MAN1A1: variants seen among roughly 807,000 people sequenced by gnomAD.
MAN1A1 encodes mannosidase alpha class 1A member 1.
A neutral mutation model predicts 70.8 loss-of-function variants in MAN1A1; 29 were observed. That is an observed-to-expected ratio of 0.41 (90% CI 0.31 to 0.56). The LOEUF (loss-of-function observed/expected upper bound fraction) is 0.56. Ranked by LOEUF, MAN1A1 falls within the 20% of genes least tolerant of loss-of-function variation. The pLI, the probability that MAN1A1 is intolerant of heterozygous loss-of-function variation, is 0.29. For synonymous variants in MAN1A1, 349 were observed against 330.1 expected (o/e 1.06, Z -0.62); for missense variants, 747 against 841.3 (o/e 0.89, Z 1.39).
intron 6 of MAN1A1, among the ~76,000 whole-genome samples, chr6:119,241,948 A>ATGTG (rs879398838): frequency 2.3e-4 from 6 of 26,326 alleles, no homozygotes; most frequent in East Asian, 2.7e-3. Flanking sequence ...GTGTGTATGT[A>ATGTG]TGTGTGTGTG....
intron 11 of MAN1A1, among the ~76,000 whole-genome samples, chr6:119,185,466 A>C (rs998347702): frequency 1.4e-4 from 22 of 152,246 alleles, no homozygotes; most frequent in African/African-American, 5.3e-4. Context: ...GACGGCTTAC[A>C]AATACTTTAC....
chr6:119,190,162 T>C (rs1291540349), intron 9 of MAN1A1, among the ~76,000 whole-genome samples: 1 of 152,192 alleles, frequency 6.6e-6, no homozygotes, highest in Non-Finnish European at 1.5e-5. Flanking sequence ...TTCAAAAAAC[T>C]TTCTCCTTCC....
Position 119,348,757 on chromosome 6 carries a change from C to T in MAN1A1, c.309G>A (p.Arg103=). ...CCCCGGGTGCCCCCTCCTCGCGGCG[C>T]CGGGCTCGCCCCTCGGCCGCGTCCT... ...RAEDAAEGRA[R]RREEGAPGDP... is the part of the protein sequence containing the mutation. The change falls in exon 2 of 13, where the codon CGG becomes CGA. Residue 103 remains arginine, a synonymous_variant. Transcript: ENST00000368468. 1 of 1,545,216 alleles carries T rather than the reference C, an allele frequency of 6.5e-7. No homozygotes were observed. Among genetic ancestry groups the T allele is most frequent in the Middle Eastern group, 2.0e-4 (1 of 4,934 alleles).
intron 6 of MAN1A1, among the ~76,000 whole-genome samples, chr6:119,232,701 GTGTGTGTGTGTGTGTGTA>G (rs1774721202): frequency 6.7e-6 from 1 of 150,204 alleles, no homozygotes; most frequent in South Asian, 2.1e-4. Flanking sequence ...GTGTGTGTGT[GTGTGTGTGTGTGTGTGTA>G]TATTTGGAAA....
chr6:119,187,317 C>A (rs534404026), intron 11 of MAN1A1, among the ~76,000 whole-genome samples: 48 of 152,116 alleles, frequency 3.2e-4, no homozygotes, highest in Non-Finnish European at 6.5e-4. Context: ...AAGACCAAAA[C>A]AATTCCCTAT....
At position 119,349,202 on chromosome 6, in the gene MAN1A1, TG is replaced by T; in HGVS notation, c.-138del. ...CCTCGGCTGGGCTGCGGATCCTCCC[TG>T]GGGGAACAACTCCGCGCCGGGTCTT... On this transcript the variant is annotated 5_prime_UTR_variant, in exon 2 of 13. Transcript: ENST00000368468. 1 of 1,219,384 alleles carries T rather than the reference TG, an allele frequency of 8.2e-7. No homozygotes were observed. Among genetic ancestry groups the T allele is most frequent in the African/African-American group, 1.6e-5 (1 of 63,732 alleles). The allele number at this position is 1,219,384 out of a possible 1,614,324, so 75.5% of individuals were successfully genotyped here.
intron 4 of MAN1A1, among the ~76,000 whole-genome samples, chr6:119,297,804 G>T (rs28635368): frequency 9.7e-4 from 91 of 94,112 alleles, no homozygotes; most frequent in Non-Finnish European, 9.7e-4. Flanking sequence ...TTTTTGTTTT[G>T]TTTTGTTTTT....
At chr6:119,275,705 G>A (rs1225711000) in intron 5 of MAN1A1, among the ~76,000 whole-genome samples, 2 of 152,180 alleles carry the variant, frequency 1.3e-5, no homozygotes, top group Admixed American at 1.3e-4. Context: ...GCCTCCCAAA[G>A]TGCTGGGATT....
Position 119,324,434 on chromosome 6 carries a change from G to A in MAN1A1, c.604-17442C>T, listed in dbSNP as rs935368548. On this transcript the variant is annotated intron_variant, in intron 2 of 12. Coordinates refer to ENST00000368468, the MANE Select transcript of MAN1A1 (RefSeq NM_005907.4). The stretch of plus-strand genomic sequence containing the variant: ...TTTGGGGGGGAATCGAAAGTTATAC[G>A]CAGGTTTTCAACTGCATGAGGGGTT... 7.2e-5 allele frequency among the ~76,000 whole-genome samples: 11 copies of A among 152,230 alleles called. No homozygotes were observed. The South Asian group carries it at 1.9e-3, about 26-fold the overall frequency.
At chr6:119,207,093 G>GA (rs2114952780) in intron 6 of MAN1A1, among the ~76,000 whole-genome samples, 1 of 152,294 alleles carries the variant, frequency 6.6e-6, no homozygotes, top group South Asian at 2.1e-4. Context: ...TTAATGTGGT[G>GA]AATCGAGAAA....
intron 5 of MAN1A1, among the ~76,000 whole-genome samples, chr6:119,274,407 G>A (rs967957710): frequency 1.3e-5 from 2 of 152,072 alleles, no homozygotes; most frequent in Non-Finnish European, 2.9e-5. Flanking sequence ...AGTGCTTTTT[G>A]GAGTTCTCTA....
intron 7 of MAN1A1, 43 bp downstream of exon 7, chr6:119,204,716 A>G (rs776540220): frequency 5.7e-5 from 91 of 1,609,658 alleles, no homozygotes; most frequent in Admixed American, 3.5e-4. Context: ...ACTGTTTCTC[A>G]TAAGTGTTGC....
rs548359762 is a variant in MAN1A1 at position 119,226,436 on chromosome 6, G to A, written c.993-21554C>T. Among the ~76,000 whole-genome samples, 16 of 152,220 alleles carry A rather than the reference G, an allele frequency of 1.1e-4. 1 individual carries two copies. In the South Asian group the frequency reaches 3.3e-3, roughly 32 times the overall value. On this transcript the variant is annotated intron_variant, in intron 6 of 12. Coordinates refer to ENST00000368468, the MANE Select transcript of MAN1A1 (RefSeq NM_005907.4). Reference sequence around the variant, plus strand: ...GGAAACATGCCCAATCTTTGTTCCAGAAGGAAACATCATTATTGTGGACAG... The same window carrying A: ...GGAAACATGCCCAATCTTTGTTCCAAAAGGAAACATCATTATTGTGGACAG...
At chr6:119,344,986 C>T (rs565878152) in intron 2 of MAN1A1, among the ~76,000 whole-genome samples, 3 of 152,102 alleles carry the variant, frequency 2.0e-5, no homozygotes, top group Admixed American at 1.3e-4. Flanking sequence ...TGCACATACC[C>T]CTAACCCCCA....
intron 5 of MAN1A1, among the ~76,000 whole-genome samples, chr6:119,254,673 T>C (rs1399003434): frequency 6.6e-6 from 1 of 152,162 alleles, no homozygotes; most frequent in Admixed American, 6.5e-5. Context: ...AAAGAAAATA[T>C]GGTTTTTGTA....
chr6:119,296,390 G>A (rs1435068761), intron 4 of MAN1A1, among the ~76,000 whole-genome samples: 2 of 152,116 alleles, frequency 1.3e-5, no homozygotes, highest in Non-Finnish European at 1.5e-5. Context: ...CTCTTGGTAG[G>A]TATTCCCTAG....
chr6:119,336,668 C>T (rs1193184129), intron 2 of MAN1A1, among the ~76,000 whole-genome samples: 4 of 152,116 alleles, frequency 2.6e-5, no homozygotes, highest in African/African-American at 4.8e-5. Flanking sequence ...AAATATCACA[C>T]CTTCTTAGGG....
chr6:119,348,886 G>C lies in MAN1A1; in HGVS notation c.180C>G (p.Phe60Leu). 1 of 1,535,830 alleles carries C rather than the reference G, an allele frequency of 6.5e-7. No individual in the cohort carries two copies. The highest frequency in any genetic ancestry group is 1.2e-5 in the South Asian group (1 of 82,230). ...GCAGCTTGGAGGAGTCTGGCAGGAA[G>C]AAGATCGCCCCGAAGCAGAGCGTGA... is the stretch of plus-strand genomic sequence containing the variant. ...AFITLCFGAI[F>L]FLPDSSKLLS... Residue 60 changes from phenylalanine (F) to leucine (L), a missense_variant, in exon 2 of 13, where the codon TTC becomes TTG. Physicochemically the swap from Phe to Leu is conservative, Grantham distance 22. Around this residue, in one of 2 missense-constraint regions of MAN1A1, gnomAD observed 328 missense variants for 293.1 expected, o/e 1.12. Transcript: ENST00000368468.
intron 5 of MAN1A1, among the ~76,000 whole-genome samples, chr6:119,258,595 C>G (rs1463449637): frequency 6.6e-6 from 1 of 152,230 alleles, no homozygotes; most frequent in East Asian, 1.9e-4. Context: ...GGTCCTGAAA[C>G]CTACCCCCAC....
Sources: gnomAD v4.1 joint callset for allele counts (sites outside exome capture counted in the v4.1 genomes callset) on GRCh38, gnomAD v4.1.1 for gene constraint, gnomAD v4.1.1 regional missense constraint, MANE v1.5 for transcripts, NCBI Gene and HGNC (gene_info 2026-07-23, HGNC 2026-07-21) for gene names.